The following CDK14 variants were observed in gnomAD, a reference collection of about 807,000 sequenced individuals.
The protein encoded by CDK14 is cyclin dependent kinase 14, also known as cyclin-dependent kinase 14.
CDK14 carries 34 observed loss-of-function variants against 60.7 expected under a neutral mutation model. The observed-to-expected ratio is 0.56, with a 90% CI of 0.43 to 0.75. The LOEUF (loss-of-function observed/expected upper bound fraction) is 0.75. Among genes scored for constraint, CDK14 ranks in the 30% least tolerant of loss-of-function variants. The probability of loss-of-function intolerance (pLI) is 0.00; values close to 1 mark genes in which losing one functional copy is unlikely to be tolerated. For synonymous variants in CDK14, 197 were observed against 203.7 expected, an observed-to-expected ratio of 0.97 and a Z score of 0.28; for missense variants, 482 against 564.1, an observed-to-expected ratio of 0.85 and a Z score of 1.47.
intron 14 of CDK14, among the ~76,000 whole-genome samples, chr7:91,155,685 A>G (rs996695521): frequency 2.6e-5 from 4 of 152,196 alleles, no homozygotes; most frequent in Non-Finnish European, 4.4e-5. Context: ...CAAGATTGCA[A>G]TGTTTTATAC....
At chr7:90,766,759 T>C (rs1804580272) in intron 4 of CDK14, among the ~76,000 whole-genome samples, 1 of 152,084 alleles carries the variant, frequency 6.6e-6, no homozygotes, top group East Asian at 1.9e-4. Flanking sequence ...GAAAGAACAC[T>C]CGGGGGGCCA....
At chr7:90,641,055 A>T (rs1330262553) in intron 2 of CDK14, among the ~76,000 whole-genome samples, 1 of 151,810 alleles carries the variant, frequency 6.6e-6, no homozygotes, top group Admixed American at 6.6e-5. Flanking sequence ...CTACCACTTC[A>T]CAGGGAAATT....
chr7:91,156,478 G>A (rs938758808), intron 14 of CDK14, among the ~76,000 whole-genome samples: 1 of 150,292 alleles, frequency 6.7e-6, no homozygotes. Context: ...TTTTCTTCTC[G>A]CTCTCTCTTG....
rs556595172 is a variant in CDK14 at position 90,691,546 on chromosome 7, C to G, written c.124-35021C>G. ...TTTCAGAAACACGAGCTACATTGCA[C>G]AGGGCCTTGTAGGCTGCTGTAAAAT... On this transcript the variant is annotated intron_variant, in intron 2 of 14. Transcript: ENST00000380050. Among the ~76,000 whole-genome samples, 3 of 152,222 alleles carry G rather than the reference C, an allele frequency of 2.0e-5. No individual in the cohort carries two copies. The South Asian group carries it at 6.2e-4, about 32-fold the overall frequency.
intron 9 of CDK14, among the ~76,000 whole-genome samples, chr7:90,957,983 C>T (rs1252638926): frequency 1.3e-5 from 2 of 152,146 alleles, no homozygotes; most frequent in Non-Finnish European, 2.9e-5. Flanking sequence ...ATTATGCCCC[C>T]ATATGTAGAA....
intron 8 of CDK14, among the ~76,000 whole-genome samples, chr7:90,947,869 A>C (rs1000936029): frequency 9.2e-5 from 14 of 152,172 alleles, no homozygotes; most frequent in African/African-American, 3.4e-4. Flanking sequence ...TAAATTTTAT[A>C]TTTATAGATT....
chr7:91,066,987 A>T (rs1436405366), intron 11 of CDK14, among the ~76,000 whole-genome samples: 1 of 152,236 alleles, frequency 6.6e-6, no homozygotes, highest in Non-Finnish European at 1.5e-5. Context: ...ATGACATTCT[A>T]AACTTCTAGT....
intron 2 of CDK14, among the ~76,000 whole-genome samples, chr7:90,613,986 A>AT (rs1799597723): frequency 1.4e-5 from 2 of 142,444 alleles, no homozygotes; most frequent in South Asian, 2.3e-4. Context: ...GTTTGAGACT[A>AT]TTTTTTATAG....
intron 12 of CDK14, among the ~76,000 whole-genome samples, chr7:91,095,941 A>G (rs1191820583): frequency 6.6e-6 from 1 of 151,700 alleles, no homozygotes; most frequent in Non-Finnish European, 1.5e-5. Flanking sequence ...GGGTGATGAC[A>G]GGGTTTTGGA....
intron 8 of CDK14, among the ~76,000 whole-genome samples, chr7:90,943,439 G>A (rs1793994362): frequency 6.6e-6 from 1 of 152,040 alleles, no homozygotes; most frequent in African/African-American, 2.4e-5. Flanking sequence ...AAAGTTTAGA[G>A]GAGAAATTAA....
At chr7:90,641,904 A>G (rs1011261215) in intron 2 of CDK14, among the ~76,000 whole-genome samples, 1 of 152,206 alleles carries the variant, frequency 6.6e-6, no homozygotes. Context: ...GGTGAAAGGC[A>G]CATCTCACAT....
chr7:90,788,620 A>T (rs1301207698), intron 4 of CDK14, among the ~76,000 whole-genome samples: 1 of 152,170 alleles, frequency 6.6e-6, no homozygotes, highest in African/African-American at 2.4e-5. Context: ...ATAATAATGT[A>T]TTTCCGCAAT....
chr7:91,080,097 A>G (rs1452561746), intron 12 of CDK14, among the ~76,000 whole-genome samples: 1 of 152,250 alleles, frequency 6.6e-6, no homozygotes, highest in Non-Finnish European at 1.5e-5. Context: ...AGTGGGAAAC[A>G]GTAATTTAGT....
At chr7:91,043,973 T>C (rs553478989) in intron 10 of CDK14, among the ~76,000 whole-genome samples, 1 of 152,198 alleles carries the variant, frequency 6.6e-6, no homozygotes, top group African/African-American at 2.4e-5. Flanking sequence ...TATTGCCTAG[T>C]AGTGCCTACA....
intron 12 of CDK14, among the ~76,000 whole-genome samples, chr7:91,091,355 AT>A (rs959129084): frequency 1.6e-4 from 23 of 145,064 alleles, no homozygotes; most frequent in African/African-American, 5.5e-4. Flanking sequence ...GTGTATATAA[AT>A]TATATATACA....
rs56082719 is a variant in CDK14 at position 91,008,127 on chromosome 7, C to CAAAAAAAAAA, written c.1041+23895_1041+23904dup. ...ATGGGAGCCAGTGCCGGGAGAAGGC[C>CAAAAAAAAAA]AAAAAAAAAAAAAAAAAACAAACAA... On this transcript the variant is annotated intron_variant, in intron 10 of 14. Transcript: ENST00000380050. Among the ~76,000 whole-genome samples the CAAAAAAAAAA allele has an allele frequency of 8.3e-4, 52 of 62,572 alleles. 2 individuals carry two copies. Among genetic ancestry groups the CAAAAAAAAAA allele is most frequent in the African/African-American group, 2.2e-3 (37 of 16,706 alleles). The allele number at this position is 62,572 out of a possible 152,430, so 41.0% of individuals were successfully genotyped here. A position where few individuals can be genotyped will look rare whatever the true frequency, so the allele number is the denominator to read the frequency against.
Position 90,750,196 on chromosome 7 carries a change from AC to A in CDK14, c.464+2422del, listed in dbSNP as rs1562752214. Among the ~76,000 whole-genome samples, 844 of 91,504 alleles carry A rather than the reference AC, an allele frequency of 9.2e-3. 14 individuals are homozygous for A. The highest frequency in any genetic ancestry group is 0.028 in the African/African-American group (755 of 26,710). 60.0% of individuals were successfully genotyped at this position (91,504 alleles called of 152,430 possible). Reference sequence around the variant, plus strand: ...CACACACACACACACACACACACACACACACCAATAATATTACAGAGAAAGA... The same window carrying A: ...CACACACACACACACACACACACACAACACCAATAATATTACAGAGAAAGA... On this transcript the variant is annotated intron_variant, in intron 4 of 14. Transcript: ENST00000380050.
intron 1 of CDK14, among the ~76,000 whole-genome samples, chr7:90,602,707 A>G (rs550230295): frequency 8.5e-5 from 13 of 152,342 alleles, no homozygotes; most frequent in Admixed American, 6.5e-4. Flanking sequence ...TGTGCAAGTA[A>G]TTGAATGCAA....
chr7:91,028,223 A>G (rs1340318295), intron 10 of CDK14, among the ~76,000 whole-genome samples: 3 of 151,680 alleles, frequency 2.0e-5, no homozygotes, highest in Non-Finnish European at 4.4e-5. Flanking sequence ...ACTGCAAGAC[A>G]TTATTTTATT....
Sources: allele counts gnomAD v4.1 joint callset (sites outside exome capture counted in the v4.1 genomes callset), GRCh38; gene constraint gnomAD v4.1.1; transcripts MANE v1.5; gene names NCBI Gene and HGNC (gene_info 2026-07-23, HGNC 2026-07-21).